The following APH1B variants were observed in gnomAD, a reference collection of about 807,000 sequenced individuals.
APH1B encodes the protein aph-1B gamma-secretase subunit.
APH1B carries 27 observed loss-of-function variants against 28.2 expected under a neutral mutation model. That is an observed-to-expected ratio of 0.96 (90% CI 0.70 to 1.32). The LOEUF (loss-of-function observed/expected upper bound fraction) is 1.32. Ranked by LOEUF, APH1B falls within the 40% of genes most tolerant of loss-of-function variation. APH1B has a pLI of 0.00. For missense variants in APH1B, 305 were observed against 313.6 expected, an observed-to-expected ratio of 0.97 and a Z score of 0.21; for synonymous variants, 141 against 124.6, an observed-to-expected ratio of 1.13 and a Z score of -0.88.
At chr15:63,289,155 G>T (rs1347125609) in intron 4 of APH1B, among the ~76,000 whole-genome samples, 1 of 152,158 alleles carries the variant, frequency 6.6e-6, no homozygotes, top group Non-Finnish European at 1.5e-5. Context: ...AGTTAGCATG[G>T]CAGACTGGCT....
At chr15:63,287,111 T>C (rs1404320276) in intron 3 of APH1B, 5 of 279,436 alleles carry the variant, frequency 1.8e-5, no homozygotes, top group Non-Finnish European at 3.4e-5. Context: ...TAGACTCTGT[T>C]ATCATAAAGT....
intron 1 of APH1B, among the ~76,000 whole-genome samples, chr15:63,278,124 A>G (rs1022349338): frequency 6.6e-6 from 1 of 152,114 alleles, no homozygotes; most frequent in South Asian, 2.1e-4. Flanking sequence ...TTAGGATAGT[A>G]GTGCGCGACT....
intron 2 of APH1B, among the ~76,000 whole-genome samples, chr15:63,280,298 ATT>A (rs2038371625): frequency 6.6e-6 from 1 of 152,226 alleles, no homozygotes; most frequent in Non-Finnish European, 1.5e-5. Flanking sequence ...GAAACCACTG[ATT>A]TGAAACACAG....
chr15:63,286,501 T>A, intron 2 of APH1B, 57 bp from the exon 3 acceptor site: 1 of 1,426,964 alleles, frequency 7.0e-7, no homozygotes, highest in Non-Finnish European at 9.5e-7. Flanking sequence ...TCCTGATATA[T>A]TGCTCTTCCT....
intron 2 of APH1B, among the ~76,000 whole-genome samples, chr15:63,283,093 T>C (rs538794736): frequency 3.3e-5 from 5 of 152,358 alleles, no homozygotes; most frequent in African/African-American, 1.2e-4. Context: ...GATGTTGACA[T>C]TGAGAACTCT....
In APH1B at chr15:63,302,076, T is replaced by G. The variant is rs564491904; in HGVS notation, c.479-269T>G. 3.3e-5 allele frequency among the ~76,000 whole-genome samples: 5 copies of G among 152,302 alleles called. No homozygotes were observed. The South Asian group carries it at 1.0e-3, about 32-fold the overall frequency. On this transcript the variant is annotated intron_variant, in intron 4 of 5. Transcript: ENST00000261879. ...AAGCTGGCTGGACATCACAGTAATTTTATTGTATTCCTCAGGGAAGCTGCC... is the reference window on the plus strand; with the variant it reads ...AAGCTGGCTGGACATCACAGTAATTGTATTGTATTCCTCAGGGAAGCTGCC...
chr15:63,305,974 A>T lies in APH1B; in HGVS notation c.*193A>T, dbSNP rs554787281. On this transcript the variant is annotated 3_prime_UTR_variant, in exon 6 of 6. Coordinates refer to ENST00000261879, the MANE Select transcript of APH1B (RefSeq NM_031301.4). ...GCTCAGTGGTGTGCGTCCTGGCTGC[A>T]CGAGAATCACCTGGGACAGTGTAAA... 2.7e-5 allele frequency: 18 copies of T among 673,842 alleles called. No individual in the cohort carries two copies. In the East Asian group the frequency reaches 5.7e-4, roughly 21 times the overall value. The allele number at this position is 673,842 out of a possible 1,614,324, so 41.7% of individuals were successfully genotyped here.
intron 4 of APH1B, among the ~76,000 whole-genome samples, chr15:63,293,474 T>G (rs1255916687): frequency 6.6e-6 from 1 of 151,154 alleles, no homozygotes; most frequent in Admixed American, 6.6e-5. Flanking sequence ...GCCTGTTTTT[T>G]TGTGTGTTTT....
chr15:63,286,901 AGATGATGAAACTGTT>A (rs2038452860), intron 3 of APH1B, among the ~76,000 whole-genome samples: 1 of 152,228 alleles, frequency 6.6e-6, no homozygotes, highest in Non-Finnish European at 1.5e-5. Context: ...AAGATTTTCT[AGATGATGAAACTGTT>A]ACTTTCTCTG....
At position 63,308,998 on chromosome 15, in the gene APH1B, TA is replaced by T. The variant is rs1392564712; in HGVS notation, c.*3218del. Reference sequence around the variant, plus strand: ...TACTGTCACTGTGTAAAATATGTAATATTTTATATGTTATACCATGTCATAT... The same window carrying T: ...TACTGTCACTGTGTAAAATATGTAATTTTTATATGTTATACCATGTCATAT... On this transcript the variant is annotated 3_prime_UTR_variant, in exon 6 of 6. Coordinates refer to ENST00000261879, the MANE Select transcript of APH1B (RefSeq NM_031301.4). 2 of 152,228 alleles carry T rather than the reference TA, an allele frequency of 1.3e-5. No homozygotes were observed. The highest frequency in any genetic ancestry group is 6.5e-5 in the Admixed American group (1 of 15,276). The allele number at this position is 152,228 out of a possible 1,614,324, so 9.4% of individuals were successfully genotyped here.
rs779237194 is a variant in APH1B at position 63,277,728 on chromosome 15, C to A, written c.105C>A (p.Leu35=). 1.9e-6 allele frequency: 3 copies of A among 1,610,818 alleles called. No individual in the cohort carries two copies. The Admixed American group carries it at 5.0e-5, about 27-fold the overall frequency. The change falls in exon 1 of 6, where the codon CTC becomes CTA. Residue 35 remains leucine, a synonymous_variant. Transcript: ENST00000261879. ...CCGAGCCGTTGCGTATCATCTTCCT[C>A]ATCGCCGGGTGAGGCGGTCGCGTCG... ...IATEPLRIIF[L]IAGAFFWLVS...
intron 4 of APH1B, among the ~76,000 whole-genome samples, chr15:63,299,718 T>G (rs1041241875): frequency 6.6e-6 from 1 of 152,056 alleles, no homozygotes; most frequent in African/African-American, 2.4e-5. Context: ...AGAGCATTTT[T>G]AAATGAACTG....
intron 4 of APH1B, among the ~76,000 whole-genome samples, chr15:63,291,503 C>G (rs1157584957): frequency 1.3e-5 from 2 of 152,046 alleles, no homozygotes; most frequent in Non-Finnish European, 2.9e-5. Context: ...TTGTATTGTT[C>G]CAAGCATTGT....
At chr15:63,299,609 T>G (rs1483725935) in intron 4 of APH1B, among the ~76,000 whole-genome samples, 1 of 152,028 alleles carries the variant, frequency 6.6e-6, no homozygotes, top group Non-Finnish European at 1.5e-5. Flanking sequence ...TTTTACCGTG[T>G]TAGCCAGGAT....
At chr15:63,286,179 G>A (rs1261364344) in intron 2 of APH1B, among the ~76,000 whole-genome samples, 2 of 152,326 alleles carry the variant, frequency 1.3e-5, no homozygotes, top group East Asian at 1.9e-4. Context: ...TAAGGATACA[G>A]TACTTTGGGA....
At chr15:63,298,319 TC>T (rs1225297970) in intron 4 of APH1B, among the ~76,000 whole-genome samples, 1 of 152,158 alleles carries the variant, frequency 6.6e-6, no homozygotes, top group Non-Finnish European at 1.5e-5. Context: ...CAGGTAATCC[TC>T]CCACGTCAGC....
chr15:63,279,275 G>C lies in APH1B; in HGVS notation c.228G>C (p.Ala76=). 6.2e-7 allele frequency: 1 copy of C among 1,611,166 alleles called. No homozygotes were observed. Among genetic ancestry groups the C allele is most frequent in the Non-Finnish European group, 8.5e-7 (1 of 1,178,028 alleles). The change falls in exon 2 of 6, where the codon GCG becomes GCC. Residue 76 remains alanine, a synonymous_variant. Transcript: ENST00000261879. ...PTQKYLLIFG[A]FVSVYIQEMF... ...AGAAATATCTGCTGATCTTTGGAGC[G>C]TTTGTCTCTGTCTATATCCAAGAAA...
intron 4 of APH1B, among the ~76,000 whole-genome samples, chr15:63,287,782 A>ATGT (rs1408899618): frequency 6.6e-6 from 1 of 152,214 alleles, no homozygotes; most frequent in East Asian, 1.9e-4. Flanking sequence ...TGTACTGACA[A>ATGT]TGTTGCTATA....
chr15:63,303,345 TCA>T (rs72212605), intron 5 of APH1B, among the ~76,000 whole-genome samples: 110,957 of 151,974 alleles, frequency 0.73, 41,870 homozygotes, highest in Non-Finnish European at 0.82. Flanking sequence ...GTCAACAGAG[TCA>T]CACAACGTTT....
Sources: gnomAD v4.1 joint callset for allele counts (sites outside exome capture counted in the v4.1 genomes callset) on GRCh38, gnomAD v4.1.1 for gene constraint, MANE v1.5 for transcripts, NCBI Gene and HGNC (gene_info 2026-07-23, HGNC 2026-07-21) for gene names.